GDF10: variants seen among roughly 807,000 people sequenced by gnomAD.
The protein encoded by GDF10 is growth/differentiation factor 10.
In GDF10, 23 loss-of-function variants were observed where a neutral mutation model predicts 32.1. That is an observed-to-expected ratio of 0.72 (90% CI 0.52 to 1.02). GDF10 has a LOEUF of 1.02. GDF10 is among the 50% of genes least tolerant of loss of function. GDF10 has a pLI of 0.00. For missense variants in GDF10, 764 were observed against 673.9 expected (o/e 1.13, Z -1.48); for synonymous variants, 328 against 303.1 (o/e 1.08, Z -0.85).
chr10:47,310,439 C>T lies in GDF10; in HGVS notation c.963C>T (p.His321=). ...CCCACGCACAGCACTTCCACAAGCA[C>T]CAGCTGTGGCCCAGCCCCTTCCGGG... ...PRAHAQHFHK[H]QLWPSPFRAL... The change falls in exon 2 of 3, where the codon CAC becomes CAT. Residue 321 remains histidine (H), a synonymous_variant. Coordinates refer to ENST00000580279, the MANE Select transcript of GDF10 (RefSeq NM_004962.5). The T allele has an allele frequency of 1.2e-6, 2 of 1,613,262 alleles. No homozygotes were observed. The highest frequency in any genetic ancestry group is 2.2e-5 in the East Asian group (1 of 44,862).
chr10:47,300,333 C>G lies in GDF10; in HGVS notation c.-319C>G, dbSNP rs1314407776. On this transcript the variant is annotated 5_prime_UTR_variant, in exon 1 of 3. Transcript: ENST00000580279. ...GCCCCGCCCCTCGAAGCAGCCGGGC[C>G]GGGCGCGCAGTGGGCTACAAACTTT... 3 of 258,032 alleles carry G rather than the reference C, an allele frequency of 1.2e-5. No individual in the cohort carries two copies. The East Asian group carries it at 2.1e-4, about 18-fold the overall frequency. 16.0% of individuals were successfully genotyped at this position (258,032 alleles called of 1,614,324 possible). A position where few individuals can be genotyped will look rare whatever the true frequency, so the allele number is the denominator to read the frequency against.
chr10:47,312,527 C>T (rs1555207851), intron 2 of GDF10, 74 bp from the exon 3 acceptor site: 2 of 882,076 alleles, frequency 2.3e-6, no homozygotes, highest in Non-Finnish European at 3.5e-6. Flanking sequence ...TGGCCTGGGA[C>T]TGTGAGGATG....
At chr10:47,308,149 G>A (rs1031338566) in intron 1 of GDF10, among the ~76,000 whole-genome samples, 2 of 152,142 alleles carry the variant, frequency 1.3e-5, no homozygotes, top group African/African-American at 4.8e-5. Context: ...ATACACCACC[G>A]CTACCACCGG....
rs2061042417 is a variant in GDF10 at position 47,310,591 on chromosome 10, A to G, written c.1115A>G (p.Glu372Gly). Reference sequence around the variant, plus strand: ...AAAGCCCGGAGGAAGCAGTGGGATGAGCCGAGGGTGTGCTCCCGGAGGTAC... The same window carrying G: ...AAAGCCCGGAGGAAGCAGTGGGATGGGCCGAGGGTGTGCTCCCGGAGGTAC... ...MQKARRKQWD[E>G]PRVCSRRYLK... The change falls in exon 2 of 3, where the codon GAG becomes GGG. Residue 372 changes from glutamate (E) to glycine (G), a missense_variant. Transcript: ENST00000580279. 1 of 1,614,092 alleles carries G rather than the reference A, an allele frequency of 6.2e-7. No homozygotes were observed. Among genetic ancestry groups the G allele is most frequent in the African/African-American group, 1.3e-5 (1 of 74,942 alleles).
chr10:47,305,743 C>T (rs1555207178), intron 1 of GDF10, among the ~76,000 whole-genome samples: 2 of 152,178 alleles, frequency 1.3e-5, no homozygotes, highest in African/African-American at 2.4e-5. Flanking sequence ...CCCCCAGTAC[C>T]ATCCCCACTG....
At chr10:47,308,973 G>A (rs547293586) in intron 1 of GDF10, among the ~76,000 whole-genome samples, 8 of 152,326 alleles carry the variant, frequency 5.3e-5, no homozygotes, top group African/African-American at 7.2e-5. Context: ...CCTGGGGAAC[G>A]CCTGCTTCCA....
In GDF10 at chr10:47,302,387, T is replaced by C. The variant is rs117203398; in HGVS notation, c.319+1417T>C. 6.6e-4 allele frequency among the ~76,000 whole-genome samples: 101 copies of C among 152,348 alleles called. No individual in the cohort carries two copies. In the Middle Eastern group the frequency reaches 0.017, roughly 26 times the overall value. On this transcript the variant is annotated intron_variant, in intron 1 of 2. Transcript: ENST00000580279. ...ACAAATAATCGTGCTAAGTATTGTG[T>C]ATTCCTGTGGGTTTAAACTTGACCT...
chr10:47,308,535 G>T (rs1437892704), intron 1 of GDF10, among the ~76,000 whole-genome samples: 1 of 151,938 alleles, frequency 6.6e-6, no homozygotes, highest in Non-Finnish European at 1.5e-5. Context: ...ACAAAGAAGA[G>T]AAAGTGGAAT....
rs551568526 is a variant in GDF10, at chr10:47,312,181, C to T, written c.1246-420C>T. On this transcript the variant is annotated intron_variant, in intron 2 of 2. Coordinates refer to ENST00000580279, the MANE Select transcript of GDF10 (RefSeq NM_004962.5). ...CCCTTCAGTGACAAGAGCACAACCT[C>T]GTGAGAAGCATGCCTGTCCTCCTCA... Among the ~76,000 whole-genome samples the T allele has an allele frequency of 3.3e-5, 5 of 151,430 alleles. No homozygotes were observed. In the South Asian group the frequency reaches 6.3e-4, roughly 19 times the overall value.
At chr10:47,309,142 C>G (rs1228206589) in intron 1 of GDF10, among the ~76,000 whole-genome samples, 2 of 152,190 alleles carry the variant, frequency 1.3e-5, no homozygotes, top group African/African-American at 4.8e-5. Context: ...CTGCTCTTTT[C>G]TTGTTAAAAC....
intron 1 of GDF10, among the ~76,000 whole-genome samples, chr10:47,305,520 G>A (rs566017885): frequency 8.5e-5 from 13 of 152,280 alleles, no homozygotes; most frequent in South Asian, 4.1e-4. Flanking sequence ...CTGGCCCACC[G>A]CCCCTTCCTC....
In GDF10 at chr10:47,310,714, T is replaced by A; in HGVS notation, c.1238T>A (p.Met413Lys). The change falls in exon 2 of 3, where the codon ATG becomes AAG. Residue 413 changes from methionine to lysine, a missense_variant. Coordinates refer to ENST00000580279, the MANE Select transcript of GDF10 (RefSeq NM_004962.5). ...YYCAGACEFP[M>K]PKIVRPSNHA... ...TGCGCGGGAGCATGTGAGTTCCCCA[T>A]GCCTAAGGTAGGGTTTCTTCCGCCT... 6 of 1,608,148 alleles carry A rather than the reference T, an allele frequency of 3.7e-6. No individual in the cohort carries two copies. The highest frequency in any genetic ancestry group is 5.1e-6 in the Non-Finnish European group (6 of 1,174,576).
chr10:47,301,424 G>A (rs1324979915), intron 1 of GDF10, among the ~76,000 whole-genome samples: 5 of 152,246 alleles, frequency 3.3e-5, no homozygotes, highest in African/African-American at 1.2e-4. Flanking sequence ...TGGTTCCTGT[G>A]TCCAGGGAAG....
At position 47,300,697 on chromosome 10, in the gene GDF10, C is replaced by A. The variant is rs782128863; in HGVS notation, c.46C>A (p.Leu16Met). 1.3e-6 allele frequency: 2 copies of A among 1,546,190 alleles called. No homozygotes were observed. Among genetic ancestry groups the A allele is most frequent in the East Asian group, 4.7e-5 (2 of 42,704 alleles). Residue 16 changes from leucine to methionine, a missense_variant, in exon 1 of 3, where the codon CTG (leucine) becomes ATG (methionine). Coordinates refer to ENST00000580279, the MANE Select transcript of GDF10 (RefSeq NM_004962.5). ...ARTSPGPGPQ[L>M]LLLLLPLFLL... Reference sequence around the variant, plus strand: ...GACCAGCCCGGGACCCGGGCCCCAGCTGCTGCTGCTGCTGCTGCCGTTGTT... The same window carrying A: ...GACCAGCCCGGGACCCGGGCCCCAGATGCTGCTGCTGCTGCTGCCGTTGTT...
rs782320469 is a variant in GDF10 at position 47,310,391 on chromosome 10, G to A, written c.915G>A (p.Gly305=). The A allele has an allele frequency of 6.2e-7, 1 of 1,609,198 alleles. No individual in the cohort carries two copies. Among genetic ancestry groups the A allele is most frequent in the Non-Finnish European group, 8.5e-7 (1 of 1,178,614 alleles). ...CCCTCCAGGACAACGAGCTGCCGGG[G>A]CTGGATGAGAGGCCGCCGCGCGCCC... is the stretch of plus-strand genomic sequence containing the variant. ...TGPLQDNELP[G]LDERPPRAHA... Residue 305 remains glycine (G), a synonymous_variant, in exon 2 of 3, where the codon GGG becomes GGA. Transcript: ENST00000580279.
chr10:47,304,352 GGAGA>G (rs782027273), intron 1 of GDF10, among the ~76,000 whole-genome samples: 13 of 151,830 alleles, frequency 8.6e-5, no homozygotes, highest in Non-Finnish European at 1.8e-4. Flanking sequence ...AAGGAAGGAG[GGAGA>G]GAGAGAAGAA....
intron 1 of GDF10, among the ~76,000 whole-genome samples, chr10:47,301,656 G>A (rs543090691): frequency 6.6e-6 from 1 of 152,206 alleles, no homozygotes; most frequent in African/African-American, 2.4e-5. Context: ...TGTTCTGAGA[G>A]CACTTCCAGG....
chr10:47,312,547 C>T lies in GDF10; in HGVS notation c.1246-54C>T, dbSNP rs1341085654. The T allele has an allele frequency of 2.5e-5, 29 of 1,164,526 alleles. No individual in the cohort carries two copies. In the Admixed American group the frequency reaches 3.3e-4, roughly 13 times the overall value. The allele number at this position is 1,164,526 out of a possible 1,614,324, so 72.1% of individuals were successfully genotyped here. A position where few individuals can be genotyped will look rare whatever the true frequency, so the allele number is the denominator to read the frequency against. On this transcript the variant is annotated intron_variant, in intron 2 of 2. Coordinates refer to ENST00000580279, the MANE Select transcript of GDF10 (RefSeq NM_004962.5). ...TGGGACTGTGAGGATGGCATGGGTG[C>T]GTGGGTGGGTGAGGGCGGAGCTGAG...
intron 1 of GDF10, among the ~76,000 whole-genome samples, chr10:47,302,414 G>A (rs1422836006): frequency 6.6e-6 from 1 of 152,178 alleles, no homozygotes; most frequent in East Asian, 1.9e-4. Flanking sequence ...ACTTGACCTT[G>A]CTTCTCTATT....
Sources: allele counts gnomAD v4.1 joint callset (sites outside exome capture counted in the v4.1 genomes callset), GRCh38; gene constraint gnomAD v4.1.1; transcripts MANE v1.5; gene names NCBI Gene and HGNC (gene_info 2026-07-23, HGNC 2026-07-21).